The following RIMS2 variants were observed in gnomAD, a reference collection of about 807,000 sequenced individuals.
RIMS2 encodes the protein regulating synaptic membrane exocytosis protein 2.
In RIMS2, 59 loss-of-function variants were observed where a neutral mutation model predicts 174.4. The ratio of observed to expected loss-of-function variants is 0.34; its 90% CI spans 0.27 to 0.42. The LOEUF (loss-of-function observed/expected upper bound fraction) is 0.42, where lower values mean the gene tolerates loss of function less well. Among genes scored for constraint, RIMS2 ranks in the 10% least tolerant of loss-of-function variants. The pLI is 1.00. For synonymous variants in RIMS2, 606 were observed against 572.5 expected (o/e 1.06, Z -0.84); for missense variants, 1,620 against 1,666.3 (o/e 0.97, Z 0.48).
At chr8:103,525,510 G>A (rs1205734101) in intron 1 of RIMS2, among the ~76,000 whole-genome samples, 4 of 152,218 alleles carry the variant, frequency 2.6e-5, no homozygotes, top group South Asian at 2.1e-4. Context: ...GAGGCAGTCC[G>A]GCCTAGCTTG....
At chr8:103,747,741 G>A (rs929865497) in intron 2 of RIMS2, among the ~76,000 whole-genome samples, 2 of 151,062 alleles carry the variant, frequency 1.3e-5, no homozygotes, top group Non-Finnish European at 2.9e-5. Context: ...TGGAAGAATG[G>A]TAAGTTGCCA....
chr8:103,534,316 C>G (rs1235133572), intron 1 of RIMS2, among the ~76,000 whole-genome samples: 1 of 152,188 alleles, frequency 6.6e-6, no homozygotes, highest in Non-Finnish European at 1.5e-5. Flanking sequence ...GATATATTTT[C>G]CAAGCTCAGA....
intron 6 of RIMS2, among the ~76,000 whole-genome samples, chr8:103,913,438 TA>T (rs1367503491): frequency 6.6e-6 from 1 of 151,964 alleles, no homozygotes; most frequent in Admixed American, 6.6e-5. Flanking sequence ...TGTCTCTCTC[TA>T]AAAAAAGTAA....
intron 3 of RIMS2, among the ~76,000 whole-genome samples, chr8:103,858,224 C>T (rs2099038579): frequency 6.6e-6 from 1 of 152,192 alleles, no homozygotes; most frequent in African/African-American, 2.4e-5. Context: ...AGGCATGAGA[C>T]ATTGGCCTGG....
At position 104,013,624 on chromosome 8, in the gene RIMS2, G is replaced by A; in HGVS notation, c.3224+3G>A. The stretch of plus-strand genomic sequence containing the variant: ...CCTCCTTCACCTGCCTTATCGAGGT[G>A]AAAGATAAATCAATCAGACTAATTT... On this transcript the variant is annotated splice_donor_region_variant and intron_variant, in intron 18 of 23. Transcript: ENST00000504942. The A allele has an allele frequency of 6.2e-7, 1 of 1,612,436 alleles. No individual in the cohort carries two copies. The highest frequency in any genetic ancestry group is 1.7e-4 in the Middle Eastern group (1 of 6,054).
At chr8:103,610,541 G>A (rs2095331517) in intron 1 of RIMS2, among the ~76,000 whole-genome samples, 1 of 152,134 alleles carries the variant, frequency 6.6e-6, no homozygotes, top group African/African-American at 2.4e-5. Flanking sequence ...TTAACATGAA[G>A]GGATGTTGAA....
At chr8:104,060,479 G>A (rs1279664437) in intron 19 of RIMS2, among the ~76,000 whole-genome samples, 1 of 151,634 alleles carries the variant, frequency 6.6e-6, no homozygotes, top group African/African-American at 2.4e-5. Context: ...TATTAGTCTT[G>A]CTAGCAGTCT....
intron 20 of RIMS2, among the ~76,000 whole-genome samples, chr8:104,246,950 G>A (rs2099335973): frequency 6.6e-6 from 1 of 151,764 alleles, no homozygotes; most frequent in African/African-American, 2.4e-5. Flanking sequence ...TTGAGCAGAG[G>A]AGTGACAGGA....
At chr8:103,508,240 A>T (rs967062699) in intron 1 of RIMS2, among the ~76,000 whole-genome samples, 1 of 152,094 alleles carries the variant, frequency 6.6e-6, no homozygotes, top group African/African-American at 2.4e-5. Context: ...AACGTGATAA[A>T]CCACATGAAA....
chr8:103,534,597 A>T (rs1191558186), intron 1 of RIMS2, among the ~76,000 whole-genome samples: 1 of 145,592 alleles, frequency 6.9e-6, no homozygotes, highest in African/African-American at 2.5e-5. Flanking sequence ...AAAATATATT[A>T]CTAAAATGAA....
chr8:104,188,220 CAGATAGAT>C (rs71576001), intron 19 of RIMS2, among the ~76,000 whole-genome samples: 935 of 87,102 alleles, frequency 0.011, 6 homozygotes, highest in Middle Eastern at 0.028. Context: ...ATGGTTTGTT[CAGATAGAT>C]AGATAGATAG....
At chr8:103,551,324 C>T (rs975812324) in intron 1 of RIMS2, among the ~76,000 whole-genome samples, 2 of 152,196 alleles carry the variant, frequency 1.3e-5, no homozygotes, top group Middle Eastern at 3.4e-3. Context: ...TAATCCATCA[C>T]ATAAACAGAA....
chr8:103,607,017 G>A (rs1035249102), intron 1 of RIMS2, among the ~76,000 whole-genome samples: 1 of 151,484 alleles, frequency 6.6e-6, no homozygotes, highest in Admixed American at 6.6e-5. Flanking sequence ...AGTTAATATT[G>A]TTATGTGTGA....
At chr8:104,183,849 C>T (rs973050429) in intron 19 of RIMS2, among the ~76,000 whole-genome samples, 9 of 151,460 alleles carry the variant, frequency 5.9e-5, no homozygotes, top group Non-Finnish European at 8.9e-5. Flanking sequence ...TAGAAAACTT[C>T]GGGGAAAGTG....
At chr8:103,645,477 A>G (rs1387425764) in intron 1 of RIMS2, among the ~76,000 whole-genome samples, 4 of 152,174 alleles carry the variant, frequency 2.6e-5, no homozygotes, top group African/African-American at 9.6e-5. Flanking sequence ...TCTAAAGAGA[A>G]TTTAATTTAC....
At chr8:104,153,325 T>C (rs2098701721) in intron 19 of RIMS2, among the ~76,000 whole-genome samples, 1 of 152,204 alleles carries the variant, frequency 6.6e-6, no homozygotes, top group Admixed American at 6.5e-5. Context: ...ATATGGACTC[T>C]TTAAAAACTT....
chr8:104,212,329 C>T (rs2099108951), intron 19 of RIMS2, among the ~76,000 whole-genome samples: 1 of 152,034 alleles, frequency 6.6e-6, no homozygotes, highest in African/African-American at 2.4e-5. Context: ...TGGAGGTGTA[C>T]ATTTGATAGA....
At chr8:103,701,641 AT>A (rs942318394) in intron 2 of RIMS2, among the ~76,000 whole-genome samples, 6 of 150,096 alleles carry the variant, frequency 4.0e-5, no homozygotes, top group Admixed American at 6.7e-5. Context: ...ATGAGATCAA[AT>A]TTTTTTTTTA....
chr8:103,939,140 C>T (rs909783640), intron 13 of RIMS2, among the ~76,000 whole-genome samples: 20 of 152,192 alleles, frequency 1.3e-4, no homozygotes, highest in African/African-American at 3.4e-4. Context: ...GACTCTGTAC[C>T]GGGGCTCTGA....
Sources: gnomAD v4.1 joint callset for allele counts (sites outside exome capture counted in the v4.1 genomes callset) on GRCh38, gnomAD v4.1.1 for gene constraint, MANE v1.5 for transcripts, NCBI Gene and HGNC (gene_info 2026-07-23, HGNC 2026-07-21) for gene names.